The following TTC6 variants were observed in gnomAD, a reference collection of about 807,000 sequenced individuals.
TTC6 encodes tetratricopeptide repeat domain 6.
In TTC6, 172 loss-of-function variants were observed where a neutral mutation model predicts 210.4. The ratio of observed to expected loss-of-function variants is 0.82; its 90% CI spans 0.72 to 0.93. The LOEUF (loss-of-function observed/expected upper bound fraction) is 0.93. TTC6 is among the 40% of genes least tolerant of loss of function. TTC6 has a pLI of 0.00. For synonymous variants in TTC6, 804 were observed against 819.6 expected (o/e 0.98, Z 0.32); for missense variants, 2,414 against 2,318.1 (o/e 1.04, Z -0.85).
rs112393907 is a variant in TTC6, at chr14:37,682,760, C to T, written c.1053C>T (p.Ser351=). 1.8e-5 allele frequency: 28 copies of T among 1,534,900 alleles called. 1 individual carries two copies. The highest frequency in any genetic ancestry group is 1.8e-4 in the African/African-American group (13 of 73,026). The change falls in exon 3 of 31, where the codon AGC becomes AGT. Residue 351 remains serine (S), a splice_region_variant and synonymous_variant. Coordinates refer to ENST00000553443, the Ensembl canonical transcript of TTC6. ...TGCACATTTACTTTTTCCAACAGAG[C>T]GTGCATAAGGAACTTTCTGAAACCA...
chr14:37,669,678 A>G (rs1230443684), intron 1 of TTC6, among the ~76,000 whole-genome samples: 2 of 152,198 alleles, frequency 1.3e-5, no homozygotes, highest in East Asian at 1.9e-4. Context: ...GATGGATCAA[A>G]TGAATGCTGA....
At chr14:37,637,870 A>C (rs1272987488) in intron 1 of TTC6, among the ~76,000 whole-genome samples, 1 of 152,226 alleles carries the variant, frequency 6.6e-6, no homozygotes, top group East Asian at 1.9e-4. Flanking sequence ...TGGATTACTC[A>C]TACGTTGTTG....
intron 26 of TTC6, among the ~76,000 whole-genome samples, chr14:37,823,509 C>T (rs2096162915): frequency 6.6e-6 from 1 of 152,130 alleles, no homozygotes; most frequent in Admixed American, 6.6e-5. Flanking sequence ...TCACATTCTG[C>T]TATGAAAATG....
exon 28 of TTC6, chr14:37,826,244 A>G: frequency 6.2e-7 from 1 of 1,612,060 alleles, no homozygotes; most frequent in Non-Finnish European, 8.5e-7. Flanking sequence ...ATTGCCATAG[A>G]TACTGATCCA....
intron 29 of TTC6, among the ~76,000 whole-genome samples, chr14:37,829,539 A>G (rs1228489017): frequency 6.6e-6 from 1 of 152,004 alleles, no homozygotes; most frequent in Non-Finnish European, 1.5e-5. Context: ...CAATTTTAGT[A>G]ATTTTTTAAA....
intron 25 of TTC6, among the ~76,000 whole-genome samples, chr14:37,816,470 G>A (rs1257440081): frequency 6.6e-6 from 1 of 152,138 alleles, no homozygotes; most frequent in Non-Finnish European, 1.5e-5. Context: ...CTTCCAGGAA[G>A]GAAGCCTGGA....
intron 14 of TTC6, among the ~76,000 whole-genome samples, chr14:37,754,070 T>G (rs34766288): frequency 0.04 from 6,082 of 152,208 alleles, 192 homozygotes; most frequent in Non-Finnish European, 0.065. Flanking sequence ...TTTAAATCAT[T>G]TTTTAAAATA....
At chr14:37,601,126 ACTACCTGTGGTGGCAAGTCCAGAGCAGC>A (rs1259488087) in intron 1 of TTC6, among the ~76,000 whole-genome samples, 1 of 152,176 alleles carries the variant, frequency 6.6e-6, no homozygotes, top group Non-Finnish European at 1.5e-5. Flanking sequence ...ACCACTGGAC[ACTACCTGTGGTGGCAAGTCCAGAGCAGC>A]CTCCTGGAGT....
upstream of TTC6, among the ~76,000 whole-genome samples, chr14:37,621,434 G>A (rs2139294116): frequency 6.6e-6 from 1 of 152,078 alleles, no homozygotes; most frequent in East Asian, 1.9e-4. Flanking sequence ...AACACAAGGA[G>A]ACTGAGTCTT....
At chr14:37,660,012 GA>G (rs2095733899) in intron 1 of TTC6, among the ~76,000 whole-genome samples, 1 of 152,088 alleles carries the variant, frequency 6.6e-6, no homozygotes, top group South Asian at 2.1e-4. Flanking sequence ...ACCTTTGCCA[GA>G]TGCATAGTTT....
chr14:37,738,834 A>G (rs1214688606), exon 10 of TTC6: 1 of 1,531,744 alleles, frequency 6.5e-7, no homozygotes, highest in African/African-American at 1.4e-5. Flanking sequence ...TTGGAAATCA[A>G]GAATGATATG....
At chr14:37,780,113 A>G (rs2096050099) in intron 14 of TTC6, among the ~76,000 whole-genome samples, 1 of 152,240 alleles carries the variant, frequency 6.6e-6, no homozygotes, top group South Asian at 2.1e-4. Flanking sequence ...TTATTCTGTA[A>G]AATTTTAAGT....
chr14:37,667,291 C>T (rs1250239408), intron 1 of TTC6, among the ~76,000 whole-genome samples: 1 of 150,160 alleles, frequency 6.7e-6, no homozygotes, highest in Admixed American at 6.7e-5. Flanking sequence ...TTCACTTATA[C>T]TACCCACGTT....
At chr14:37,785,414 A>G (rs1228529951) in intron 14 of TTC6, among the ~76,000 whole-genome samples, 3 of 152,188 alleles carry the variant, frequency 2.0e-5, no homozygotes, top group Non-Finnish European at 2.9e-5. Flanking sequence ...TGAATTGGCT[A>G]CTGAAGCTTG....
chr14:37,790,422 G>C (rs2096076779), intron 15 of TTC6, among the ~76,000 whole-genome samples: 1 of 152,084 alleles, frequency 6.6e-6, no homozygotes, highest in East Asian at 1.9e-4. Flanking sequence ...TACCCCCTTT[G>C]GACTTTAATC....
At chr14:37,704,249 C>G (rs1274117702) in intron 5 of TTC6, among the ~76,000 whole-genome samples, 1 of 152,022 alleles carries the variant, frequency 6.6e-6, no homozygotes, top group African/African-American at 2.4e-5. Flanking sequence ...GACATAGAGT[C>G]TCACTATGTT....
intron 11 of TTC6, 76 bp from the exon 14 acceptor site, chr14:37,749,638 G>T (rs1415503472): frequency 8.7e-7 from 1 of 1,148,966 alleles, no homozygotes; most frequent in Non-Finnish European, 1.1e-6. Context: ...GATCAACCGT[G>T]TTTTAAAAAT....
chr14:37,842,188 A>G (rs1477574210), exon 31 of TTC6: 1 of 1,607,890 alleles, frequency 6.2e-7, no homozygotes, highest in African/African-American at 1.3e-5. Context: ...GCTCTAGTAT[A>G]TAATTTTAGA....
chr14:37,753,039 A>AT, intron 13 of TTC6, 60 bp from the exon 16 acceptor site: 1 of 1,364,464 alleles, frequency 7.3e-7, no homozygotes, highest in Admixed American at 2.3e-5. Flanking sequence ...CACTTATGTG[A>AT]TTATATACTT....
Sources: gnomAD v4.1 joint callset for allele counts (sites outside exome capture counted in the v4.1 genomes callset) on GRCh38, gnomAD v4.1.1 for gene constraint, MANE v1.5 for transcripts, NCBI Gene and HGNC (gene_info 2026-07-23, HGNC 2026-07-21) for gene names.